Variants in MUSK observed in about 807,000 individuals in gnomAD.
MUSK encodes muscle, skeletal receptor tyrosine-protein kinase.
A neutral mutation model predicts 88.7 loss-of-function variants in MUSK; 55 were observed. That is an observed-to-expected ratio of 0.62 (90% CI 0.50 to 0.78). MUSK has a LOEUF of 0.78. MUSK is among the 30% of genes least tolerant of loss of function. The probability of loss-of-function intolerance (pLI) is 0.00; values close to 1 mark genes in which losing one functional copy is unlikely to be tolerated. For synonymous variants in MUSK, 387 were observed against 391.9 expected (o/e 0.99, Z 0.15); for missense variants, 1,015 against 1,074.3 (o/e 0.94, Z 0.77).
intron 11 of MUSK, among the ~76,000 whole-genome samples, chr9:110,777,043 A>G (rs180872377): frequency 6.6e-6 from 1 of 152,150 alleles, no homozygotes; most frequent in Non-Finnish European, 1.5e-5. Context: ...GAGCCAATTC[A>G]TGATCTTCAT....
At position 110,749,110 on chromosome 9, in the gene MUSK, C is replaced by CTG. The variant is rs1162792580; in HGVS notation, c.913+1312_913+1313dup. 5.3e-5 allele frequency among the ~76,000 whole-genome samples: 8 copies of CTG among 152,194 alleles called. No homozygotes were observed. The East Asian group carries it at 1.2e-3, about 22-fold the overall frequency. Reference sequence around the variant, plus strand: ...GAATTACTATTTACATAGCACTTTGCTGTTTATAAAGCACTTTTACATGCA... The same window carrying CTG: ...GAATTACTATTTACATAGCACTTTGCTGTGTTTATAAAGCACTTTTACATGCA... On this transcript the variant is annotated intron_variant, in intron 7 of 14. Coordinates refer to ENST00000374448, the MANE Select transcript of MUSK (RefSeq NM_005592.4).
Position 110,741,874 on chromosome 9 carries a change from C to T in MUSK, c.754-5767C>T, listed in dbSNP as rs1430184179. On this transcript the variant is annotated intron_variant, in intron 6 of 14. Transcript: ENST00000374448. ...CTTTAGTTAATGTGATTTTGGGGTC[C>T]GTTTACAACTCAGACACTGATTTTC... Among the ~76,000 whole-genome samples, 5 of 151,870 alleles carry T rather than the reference C, an allele frequency of 3.3e-5. No individual in the cohort carries two copies. In the South Asian group the frequency reaches 8.3e-4, roughly 25 times the overall value.
At chr9:110,734,186 A>G (rs1456028205) in intron 5 of MUSK, 65 bp from the exon 6 acceptor site, 1 of 1,538,858 alleles carries the variant, frequency 6.5e-7, no homozygotes, top group African/African-American at 1.4e-5. Context: ...TGCATTTCTA[A>G]AAGACCACCC....
rs540424623 is a variant in MUSK at position 110,790,905 on chromosome 9, T to A, written c.1927+3067T>A. On this transcript the variant is annotated intron_variant, in intron 14 of 14. Coordinates refer to ENST00000374448, the MANE Select transcript of MUSK (RefSeq NM_005592.4). ...CTGGGCATAGACTCGTTAAGAGGAG[T>A]TAAATTTTACCAGAATTAGCATTTT... Among the ~76,000 whole-genome samples, 23 of 152,244 alleles carry A rather than the reference T, an allele frequency of 1.5e-4. No homozygotes were observed. The East Asian group carries it at 4.4e-3, about 29-fold the overall frequency.
intron 6 of MUSK, among the ~76,000 whole-genome samples, chr9:110,735,759 G>A (rs557488505): frequency 5.3e-5 from 8 of 152,072 alleles, no homozygotes; most frequent in African/African-American, 1.9e-4. Context: ...TTCTGCTTCT[G>A]GGGAGGCCTC....
chr9:110,789,142 G>A (rs138851017), intron 14 of MUSK, among the ~76,000 whole-genome samples: 2 of 152,194 alleles, frequency 1.3e-5, no homozygotes, highest in African/African-American at 2.4e-5. Context: ...CATTTTTTCA[G>A]ATCTTCTCTG....
chr9:110,735,401 T>C (rs1482438151), intron 6 of MUSK, among the ~76,000 whole-genome samples: 2 of 152,150 alleles, frequency 1.3e-5, no homozygotes, highest in African/African-American at 4.8e-5. Context: ...TAAAATCCTG[T>C]TATTTGCAAC....
intron 5 of MUSK, among the ~76,000 whole-genome samples, chr9:110,701,909 A>C (rs1289219546): frequency 8.2e-6 from 1 of 121,226 alleles, no homozygotes; most frequent in Non-Finnish European, 1.7e-5. Context: ...ATTTTATTTT[A>C]TTTTATTTTA....
Sources: allele counts gnomAD v4.1 joint callset (sites outside exome capture counted in the v4.1 genomes callset), GRCh38; gene constraint gnomAD v4.1.1; transcripts MANE v1.5; gene names NCBI Gene and HGNC (gene_info 2026-07-23, HGNC 2026-07-21).